The following GABRA3 variants were observed in gnomAD, a reference collection of about 807,000 sequenced individuals.
GABRA3 encodes the protein gamma-aminobutyric acid receptor subunit alpha-3.
In GABRA3, 10 loss-of-function variants were observed where a neutral mutation model predicts 30.1. The ratio of observed to expected loss-of-function variants is 0.33; its 90% CI spans 0.20 to 0.56. GABRA3 has a LOEUF of 0.56. GABRA3 is among the 20% of genes least tolerant of loss of function. GABRA3 has a pLI of 0.89. For synonymous variants in GABRA3, 151 were observed against 146.8 expected (o/e 1.03, Z -0.21); for missense variants, 233 against 392.0 (o/e 0.59, Z 3.42).
intron 1 of GABRA3, among the ~76,000 whole-genome samples, chrX:152,407,674 C>T (rs982619999): frequency 1.8e-5 from 2 of 111,856 alleles, no homozygotes; most frequent in African/African-American, 6.5e-5. Context: ...ATCAATTCTA[C>T]TGAAACTGTC....
rs373271701 is a variant in GABRA3, at chrX:152,223,281, C to T, written c.634+1482G>A. 6.3e-5 allele frequency among the ~76,000 whole-genome samples: 7 copies of T among 111,607 alleles called. No homozygotes were observed. In the East Asian group the frequency reaches 1.4e-3, roughly 23 times the overall value. ...AGTTGTTAATGAAGGGAACACTATT[C>T]ACCAATAAACAACTCTGTCCTACCC... On this transcript the variant is annotated intron_variant, in intron 6 of 9. Transcript: ENST00000370314.
intron 1 of GABRA3, among the ~76,000 whole-genome samples, chrX:152,374,145 TG>T (rs761766096): frequency 1.8e-5 from 2 of 110,246 alleles, no homozygotes; most frequent in East Asian, 5.7e-4. Flanking sequence ...CACTTTTTAA[TG>T]GGGTTTTTTG....
intron 3 of GABRA3, among the ~76,000 whole-genome samples, chrX:152,333,502 A>C (rs1940191844): frequency 8.9e-6 from 1 of 112,177 alleles, no homozygotes; most frequent in African/African-American, 3.2e-5. Context: ...AGAAAATCTA[A>C]AAGAAATTGT....
chrX:152,325,153 T>C (rs1940032718), intron 3 of GABRA3, among the ~76,000 whole-genome samples: 1 of 111,211 alleles, frequency 9.0e-6, no homozygotes, highest in South Asian at 3.8e-4. Flanking sequence ...ATGACTTGTA[T>C]CCCAAGTGAG....
intron 4 of GABRA3, among the ~76,000 whole-genome samples, chrX:152,279,273 G>T (rs1382399077): frequency 1.8e-5 from 2 of 111,857 alleles, no homozygotes; most frequent in East Asian, 5.6e-4. Context: ...AATCCATCTT[G>T]AATTGATTTT....
intron 3 of GABRA3, among the ~76,000 whole-genome samples, chrX:152,310,807 C>A (rs1293418250): frequency 9.0e-6 from 1 of 110,566 alleles, no homozygotes; most frequent in East Asian, 2.8e-4. Flanking sequence ...GACTGAAAGA[C>A]CACTAATTAT....
At chrX:152,446,334 C>T (rs1931085594) in intron 1 of GABRA3, among the ~76,000 whole-genome samples, 1 of 111,607 alleles carries the variant, frequency 9.0e-6, no homozygotes, top group East Asian at 2.8e-4. Flanking sequence ...TCTATCTCAC[C>T]ATCTAAACCA....
rs200497428 is a variant in GABRA3, at chrX:152,234,206, A to T, written c.552-9361T>A. 2.8e-3 allele frequency among the ~76,000 whole-genome samples: 304 copies of T among 109,559 alleles called. 3 individuals are homozygous for T. The highest frequency in any genetic ancestry group is 9.7e-3 in the African/African-American group (292 of 29,999). On this transcript the variant is annotated intron_variant, in intron 5 of 9. Transcript: ENST00000370314. ...AAACTTAAAGTATAATAATAAAAAAAATTAAAAAATAAAAATGTTTTTCCC... is the reference window on the plus strand; with the variant it reads ...AAACTTAAAGTATAATAATAAAAAATATTAAAAAATAAAAATGTTTTTCCC...
chrX:152,444,739 T>G (rs1440315418), intron 1 of GABRA3, among the ~76,000 whole-genome samples: 61 of 69,068 alleles, frequency 8.8e-4, no homozygotes, highest in African/African-American at 4.2e-3. Context: ...TGTGTGTTTT[T>G]TTTTTTTTGT....
At chrX:152,310,190 A>G (rs982859308) in intron 3 of GABRA3, among the ~76,000 whole-genome samples, 7 of 112,292 alleles carry the variant, frequency 6.2e-5, no homozygotes, top group African/African-American at 2.3e-4. Flanking sequence ...ATAGTGAGAG[A>G]CTTCAACAAT....
intron 1 of GABRA3, among the ~76,000 whole-genome samples, chrX:152,448,215 A>G (rs1189985877): frequency 8.9e-6 from 1 of 112,089 alleles, no homozygotes; most frequent in Non-Finnish European, 1.9e-5. Context: ...CAGTTTCAGG[A>G]TCACCTAATA....
chrX:152,448,192 G>C (rs1417473931), intron 1 of GABRA3, among the ~76,000 whole-genome samples: 3 of 112,001 alleles, frequency 2.7e-5, no homozygotes, highest in Non-Finnish European at 5.6e-5. Flanking sequence ...TTGAAGTGTG[G>C]TCAGTGGAAC....
intron 5 of GABRA3, among the ~76,000 whole-genome samples, chrX:152,247,612 G>A (rs1334094445): frequency 9.0e-6 from 1 of 111,519 alleles, no homozygotes; most frequent in Non-Finnish European, 1.9e-5. Flanking sequence ...TTCACAGAAT[G>A]CCAAGAAGTA....
intron 1 of GABRA3, among the ~76,000 whole-genome samples, chrX:152,436,968 T>C (rs1239439232): frequency 9.0e-6 from 1 of 111,501 alleles, no homozygotes; most frequent in Non-Finnish European, 1.9e-5. Flanking sequence ...ATATTATATA[T>C]TGTATTATAG....
At chrX:152,384,531 T>C (rs1395525336) in intron 1 of GABRA3, among the ~76,000 whole-genome samples, 2 of 112,036 alleles carry the variant, frequency 1.8e-5, no homozygotes, top group Non-Finnish European at 3.8e-5. Flanking sequence ...GGCTTTTCAA[T>C]AAATGGTTGT....
chrX:152,225,432 G>GCA (rs60046142), intron 5 of GABRA3, among the ~76,000 whole-genome samples: 3,052 of 96,498 alleles, frequency 0.032, 54 homozygotes, highest in Middle Eastern at 0.074. Context: ...ACACACACAC[G>GCA]CACACACACA....
intron 1 of GABRA3, among the ~76,000 whole-genome samples, chrX:152,385,253 C>T (rs1929268741): frequency 9.0e-6 from 1 of 111,600 alleles, no homozygotes; most frequent in Admixed American, 9.5e-5. Flanking sequence ...ACTATTTCTA[C>T]TGTTAGACAT....
chrX:152,361,934 G>A (rs752822810), intron 2 of GABRA3, among the ~76,000 whole-genome samples: 3 of 112,021 alleles, frequency 2.7e-5, no homozygotes, highest in South Asian at 3.7e-4. Flanking sequence ...CACTTGAAGC[G>A]GTAAGGTTAA....
At chrX:152,357,934 A>G (rs752253051) in intron 2 of GABRA3, among the ~76,000 whole-genome samples, 24 of 111,309 alleles carry the variant, frequency 2.2e-4, no homozygotes, top group Non-Finnish European at 4.5e-4. Context: ...TACCGGTACC[A>G]TGCTGTTTTG....
Sources: allele counts gnomAD v4.1 joint callset (sites outside exome capture counted in the v4.1 genomes callset), GRCh38; gene constraint gnomAD v4.1.1; transcripts MANE v1.5; gene names NCBI Gene and HGNC (gene_info 2026-07-23, HGNC 2026-07-21).